LRCH4: variants seen among roughly 807,000 people sequenced by gnomAD.
The protein encoded by LRCH4 is leucine rich repeats and calponin homology domain containing 4.
A neutral mutation model predicts 81.2 loss-of-function variants in LRCH4; 56 were observed. The observed-to-expected ratio is 0.69, with a 90% CI of 0.56 to 0.86. The LOEUF is 0.86. Among genes scored for constraint, LRCH4 ranks in the 40% least tolerant of loss-of-function variants. The pLI, the probability that LRCH4 is intolerant of heterozygous loss-of-function variation, is 0.00. For synonymous variants in LRCH4, 442 were observed against 409.7 expected (o/e 1.08, Z -0.95); for missense variants, 895 against 922.8 (o/e 0.97, Z 0.39).
Position 100,578,146 on chromosome 7 carries a change from A to G in LRCH4, c.948+13T>C. 3 of 1,613,470 alleles carry G rather than the reference A, an allele frequency of 1.9e-6. No individual in the cohort carries two copies. Among genetic ancestry groups the G allele is most frequent in the South Asian group, 1.1e-5 (1 of 91,066 alleles). On this transcript the variant is annotated intron_variant, in intron 7 of 17. Transcript: ENST00000310300. This position sits in a 1 kb window ranked among gnomAD's most constrained non-coding sequence, Gnocchi z 5.7. Reference sequence around the variant, plus strand: ...CTGACACCCTCAATCACCCATGGACAGGACGCCCTTACCTCATTTCCAGAC... The same window carrying G: ...CTGACACCCTCAATCACCCATGGACGGGACGCCCTTACCTCATTTCCAGAC...
At chr7:100,576,067 G>A in intron 15 of LRCH4, 59 bp from the exon 16 acceptor site, 1 of 1,550,406 alleles carries the variant, frequency 6.4e-7, no homozygotes, top group Non-Finnish European at 8.7e-7. Flanking sequence ...TGGGAGGCAG[G>A]GAGAGTGGGG....
In LRCH4 at chr7:100,575,900, G is replaced by T; in HGVS notation, c.1747C>A (p.Pro583Thr). The change falls in exon 16 of 18, where the codon CCC (proline) becomes ACC (threonine). Residue 583 changes from proline (P) to threonine (T), a missense_variant. Physicochemically the swap from Pro to Thr is conservative, Grantham distance 38. This residue lies in a region of LRCH4 where 529 missense variants were observed against 504.9 expected (regional missense o/e 1.05). Coordinates refer to ENST00000310300, the MANE Select transcript of LRCH4 (RefSeq NM_002319.5). The surrounding 1 kb of genome is among the most constrained non-coding windows in gnomAD (Gnocchi z 5.3). The stretch of plus-strand genomic sequence containing the variant: ...GCAGGGGAGGGCACATGGATGAAGG[G>T]CACGGAGCGCGGCCGTAGCTGGTTG... The part of the protein sequence containing the change: ...LANQLRPRSV[P>T]FIHVPSPAVP... 6.2e-7 allele frequency: 1 copy of T among 1,613,456 alleles called. No homozygotes were observed. Among genetic ancestry groups the T allele is most frequent in the Non-Finnish European group, 8.5e-7 (1 of 1,179,720 alleles).
chr7:100,577,219 C>A lies in LRCH4; in HGVS notation c.1295+54G>T. On this transcript the variant is annotated intron_variant, in intron 11 of 17. Coordinates refer to ENST00000310300, the MANE Select transcript of LRCH4 (RefSeq NM_002319.5). This position sits in a 1 kb window ranked among gnomAD's most constrained non-coding sequence, Gnocchi z 6.7. Reference sequence around the variant, plus strand: ...GAACGGCTCAGCGGGGCTCGGTGGCCCCATTTCCAGGGCTCAGTGTCCAGC... The same window carrying A: ...GAACGGCTCAGCGGGGCTCGGTGGCACCATTTCCAGGGCTCAGTGTCCAGC... 6.2e-7 allele frequency: 1 copy of A among 1,608,394 alleles called. No individual in the cohort carries two copies.
rs546248076 is a variant in LRCH4, at chr7:100,578,531, C to T, written c.736-20G>A. The T allele has an allele frequency of 3.0e-5, 48 of 1,607,720 alleles. No individual in the cohort carries two copies. Among genetic ancestry groups the T allele is most frequent in the South Asian group, 4.4e-5 (4 of 90,418 alleles). On this transcript the variant is annotated intron_variant, in intron 5 of 17. Transcript: ENST00000310300. The surrounding 1 kb of genome is among the most constrained non-coding windows in gnomAD (Gnocchi z 5.7). ...GCAGACCTGTGTGCGGGGCAGCACA[C>T]GCCAGGGAGTTGGCAGGGAGGGCAG... is the stretch of plus-strand genomic sequence containing the variant.
intron 4 of LRCH4, among the ~76,000 whole-genome samples, chr7:100,581,221 T>C (rs538368118): frequency 6.6e-6 from 1 of 152,330 alleles, no homozygotes; most frequent in South Asian, 2.1e-4. Flanking sequence ...ACACAGCTGC[T>C]CATCTGCGCC....
chr7:100,580,797 A>G (rs1230065557), intron 4 of LRCH4: 1 of 149,814 alleles, frequency 6.7e-6, no homozygotes, highest in Non-Finnish European at 1.5e-5. Context: ...ACACAGACAC[A>G]CATACACATG....
At position 100,575,696 on chromosome 7, in the gene LRCH4, C is replaced by T; in HGVS notation, c.1854+9G>A. On this transcript the variant is annotated intron_variant, in intron 17 of 17. Transcript: ENST00000310300. The surrounding 1 kb of genome is among the most constrained non-coding windows in gnomAD (Gnocchi z 5.3). Reference sequence around the variant, plus strand: ...CATGCCACCACTCTTTAGAAAGCAGCCCCCATACCTCAGGCACCCCCATTT... The same window carrying T: ...CATGCCACCACTCTTTAGAAAGCAGTCCCCATACCTCAGGCACCCCCATTT... The T allele has an allele frequency of 6.2e-7, 1 of 1,614,024 alleles. No homozygotes were observed. The highest frequency in any genetic ancestry group is 8.5e-7 in the Non-Finnish European group (1 of 1,179,876).
In LRCH4 at chr7:100,582,030, C is replaced by T. The variant is rs1490200572; in HGVS notation, c.492+11G>A. ...CAGGGGTCCCTTTCCTGGTCCCGTC[C>T]CCATCCTCACAAGCTGTCGCAGGCT... On this transcript the variant is annotated intron_variant, in intron 3 of 17. Transcript: ENST00000310300. The surrounding 1 kb of genome is among the most constrained non-coding windows in gnomAD (Gnocchi z 5.0). The T allele has an allele frequency of 6.2e-7, 1 of 1,605,938 alleles. No individual in the cohort carries two copies. The highest frequency in any genetic ancestry group is 8.5e-7 in the Non-Finnish European group (1 of 1,176,476).
In LRCH4 at chr7:100,583,290, G is replaced by A. The variant is rs1166696434; in HGVS notation, c.221-831C>T. Among the ~76,000 whole-genome samples the A allele has an allele frequency of 6.6e-6, 1 of 152,164 alleles. No homozygotes were observed. The highest frequency in any genetic ancestry group is 2.4e-5 in the African/African-American group (1 of 41,440). On this transcript the variant is annotated intron_variant, in intron 1 of 17. Coordinates refer to ENST00000310300, the MANE Select transcript of LRCH4 (RefSeq NM_002319.5). This position sits in a 1 kb window ranked among gnomAD's most constrained non-coding sequence, Gnocchi z 4.3. Reference sequence around the variant, plus strand: ...CTCAGGCACGGCGAGGGTGGAGAGTGTGGGAGGGCCTGGGGTCTACAATCG... The same window carrying A: ...CTCAGGCACGGCGAGGGTGGAGAGTATGGGAGGGCCTGGGGTCTACAATCG...
Position 100,582,422 on chromosome 7 carries a change from C to T in LRCH4, c.258G>A (p.Ala86=), listed in dbSNP as rs756507151. The part of the protein sequence containing the change: ...SRNRFPEVPE[A]ACQLVSLEGL... ...CCTCCAGGGACACCAGCTGGCACGC[C>T]GCCTCGGGCACCTCGGGAAACCGGT... Residue 86 remains alanine, a synonymous_variant, in exon 2 of 18, where the codon GCG becomes GCA. Coordinates refer to ENST00000310300, the MANE Select transcript of LRCH4 (RefSeq NM_002319.5). The surrounding 1 kb of genome is among the most constrained non-coding windows in gnomAD (Gnocchi z 5.0). 4.6e-5 allele frequency: 74 copies of T among 1,612,716 alleles called. No homozygotes were observed. The highest frequency in any genetic ancestry group is 1.6e-4 in the Middle Eastern group (1 of 6,078).
chr7:100,575,066 G>C lies in LRCH4; in HGVS notation c.*41C>G, dbSNP rs757822075. On this transcript the variant is annotated 3_prime_UTR_variant, in exon 18 of 18. Coordinates refer to ENST00000310300, the MANE Select transcript of LRCH4 (RefSeq NM_002319.5). This position sits in a 1 kb window ranked among gnomAD's most constrained non-coding sequence, Gnocchi z 5.3. The stretch of plus-strand genomic sequence containing the variant: ...GGGTGGAGCAGGGACCTTATAAATA[G>C]AGAGGAAGGGAAAGGGGTGAGGGAG... The C allele has an allele frequency of 1.9e-6, 3 of 1,557,822 alleles. No homozygotes were observed. Among genetic ancestry groups the C allele is most frequent in the Non-Finnish European group, 2.6e-6 (3 of 1,146,280 alleles).
rs919710348 is a variant in LRCH4 at position 100,577,707 on chromosome 7, T to C, written c.1073A>G (p.Asp358Gly). The change falls in exon 9 of 18, where the codon GAC becomes GGC. Residue 358 changes from aspartate (D) to glycine (G), a missense_variant. Coordinates refer to ENST00000310300, the MANE Select transcript of LRCH4 (RefSeq NM_002319.5). This position sits in a 1 kb window ranked among gnomAD's most constrained non-coding sequence, Gnocchi z 6.7. Reference protein sequence around the residue: ...DGDPVQIDFIDSHVPGEDEER... With the variant: ...DGDPVQIDFIGSHVPGEDEER... ...TTCATCCTCCCCGGGGACATGGCTG[T>C]CGATGAAGTCAATCTGCACAGGGTC... is the stretch of plus-strand genomic sequence containing the variant. 2 of 1,613,916 alleles carry C rather than the reference T, an allele frequency of 1.2e-6. No homozygotes were observed. Among genetic ancestry groups the C allele is most frequent in the Non-Finnish European group, 8.5e-7 (1 of 1,180,002 alleles).
Position 100,575,003 on chromosome 7 carries a change from T to C in LRCH4, c.*104A>G, listed in dbSNP as rs1427312163. The C allele has an allele frequency of 8.3e-6, 9 of 1,079,594 alleles. No individual in the cohort carries two copies. Among genetic ancestry groups the C allele is most frequent in the Non-Finnish European group, 9.3e-6 (7 of 755,254 alleles). 66.9% of individuals were successfully genotyped at this position (1,079,594 alleles called of 1,614,324 possible). Reference sequence around the variant, plus strand: ...AGTGTCTGTGAAGGGGGTGCACTAGTGTCTTTGGTTGGGGCTGAAGGCACC... The same window carrying C: ...AGTGTCTGTGAAGGGGGTGCACTAGCGTCTTTGGTTGGGGCTGAAGGCACC... On this transcript the variant is annotated 3_prime_UTR_variant, in exon 18 of 18. Coordinates refer to ENST00000310300, the MANE Select transcript of LRCH4 (RefSeq NM_002319.5). The surrounding 1 kb of genome is among the most constrained non-coding windows in gnomAD (Gnocchi z 5.3).
chr7:100,585,813 G>A (rs1383212620), intron 1 of LRCH4, 68 bp downstream of exon 1: 10 of 1,431,742 alleles, frequency 7.0e-6, no homozygotes, highest in Non-Finnish European at 8.3e-6. Context: ...CTCCCGGGCC[G>A]GGCGGGGCCC....
At position 100,577,402 on chromosome 7, in the gene LRCH4, G is replaced by A; in HGVS notation, c.1179-13C>T. 1 of 1,600,236 alleles carries A rather than the reference G, an allele frequency of 6.2e-7. No individual in the cohort carries two copies. The stretch of plus-strand genomic sequence containing the variant: ...CGGCTCCTCCCGCCTGAGGGACCAA[G>A]ACAGGGCAAGAGGGGCAGACCCCGG... On this transcript the variant is annotated splice_polypyrimidine_tract_variant and intron_variant, in intron 10 of 17. Coordinates refer to ENST00000310300, the MANE Select transcript of LRCH4 (RefSeq NM_002319.5). This position sits in a 1 kb window ranked among gnomAD's most constrained non-coding sequence, Gnocchi z 6.7.
Position 100,577,740 on chromosome 7 carries a change from G to C in LRCH4, c.1040C>G (p.Ala347Gly). Residue 347 changes from alanine to glycine, a missense_variant and splice_region_variant, in exon 9 of 18, where the codon GCG becomes GGG. By Grantham distance (60) the Ala-to-Gly change is moderately conservative. Transcript: ENST00000310300. This position sits in a 1 kb window ranked among gnomAD's most constrained non-coding sequence, Gnocchi z 6.7. The stretch of plus-strand genomic sequence containing the variant: ...GTCAATCTGCACAGGGTCTCCGTCC[G>C]CTGGGGAGGCCAGCATGTCAGCAAG... ...GPRERKEDGS[A>G]DGDPVQIDFI... The C allele has an allele frequency of 2.5e-6, 4 of 1,614,078 alleles. No individual in the cohort carries two copies. The highest frequency in any genetic ancestry group is 3.4e-6 in the Non-Finnish European group (4 of 1,179,984).
At position 100,575,878 on chromosome 7, in the gene LRCH4, GGGGAGGGCACAT is replaced by G; in HGVS notation, c.1757_1768del (p.His586_Ser589del). 1 of 1,613,736 alleles carries G rather than the reference GGGGAGGGCACAT, an allele frequency of 6.2e-7. No homozygotes were observed. Among genetic ancestry groups the G allele is most frequent in the Non-Finnish European group, 8.5e-7 (1 of 1,179,814 alleles). On this transcript the variant is annotated inframe_deletion, in exon 16 of 18. Coordinates refer to ENST00000310300, the MANE Select transcript of LRCH4 (RefSeq NM_002319.5). This position sits in a 1 kb window ranked among gnomAD's most constrained non-coding sequence, Gnocchi z 5.3. ...TCCCCAGCCCCAACTGACCACAGCA[GGGGAGGGCACAT>G]GGATGAAGGGCACGGAGCGCGGCCG...
rs1396858728 is a variant in LRCH4, at chr7:100,582,658, A to G, written c.221-199T>C. Among the ~76,000 whole-genome samples, 1 of 152,212 alleles carries G rather than the reference A, an allele frequency of 6.6e-6. No individual in the cohort carries two copies. The highest frequency in any genetic ancestry group is 1.5e-5 in the Non-Finnish European group (1 of 68,028). On this transcript the variant is annotated intron_variant, in intron 1 of 17. Transcript: ENST00000310300. The surrounding 1 kb of genome is among the most constrained non-coding windows in gnomAD (Gnocchi z 5.0). The stretch of plus-strand genomic sequence containing the variant: ...AGGCGTGACCAGAATGGCACAGGGA[A>G]GGCAAAGGCCTTAGCGTCACTGGGC...
Position 100,582,521 on chromosome 7 carries a change from T to TC in LRCH4, c.221-63dup. The TC allele has an allele frequency of 6.5e-7, 1 of 1,545,738 alleles. No homozygotes were observed. ...GGCCCAGCCCGGACAGGACCTTCAG[T>TC]CCCCCCAGAGCCGGCTGCCCACTCC... is the stretch of plus-strand genomic sequence containing the variant. On this transcript the variant is annotated intron_variant, in intron 1 of 17. Coordinates refer to ENST00000310300, the MANE Select transcript of LRCH4 (RefSeq NM_002319.5). The surrounding 1 kb of genome is among the most constrained non-coding windows in gnomAD (Gnocchi z 5.0).
Sources: gnomAD v4.1 joint callset for allele counts (sites outside exome capture counted in the v4.1 genomes callset) on GRCh38, gnomAD v4.1.1 for gene constraint, gnomAD v4.1.1 regional missense constraint, Gnocchi (gnomAD v3.1) non-coding constraint, MANE v1.5 for transcripts, NCBI Gene and HGNC (gene_info 2026-07-23, HGNC 2026-07-21) for gene names.